Variants in SGPL1 observed in about 807,000 individuals in gnomAD.
SGPL1 encodes the protein sphingosine-1-phosphate lyase 1, also known as SP-lyase 1.
Under a neutral mutation model 68.9 loss-of-function variants are expected in SGPL1, and 37 were observed. That is an observed-to-expected ratio of 0.54 (90% CI 0.41 to 0.71). The LOEUF (loss-of-function observed/expected upper bound fraction) is 0.71. Ranked by LOEUF, SGPL1 falls within the 30% of genes least tolerant of loss-of-function variation. SGPL1 has a pLI of 0.00. For synonymous variants in SGPL1, 236 were observed against 248.5 expected (o/e 0.95, Z 0.47); for missense variants, 551 against 704.6 (o/e 0.78, Z 2.47).
At chr10:70,863,552 A>AT (rs1390030297) in intron 7 of SGPL1, among the ~76,000 whole-genome samples, 2 of 152,034 alleles carry the variant, frequency 1.3e-5, no homozygotes, top group East Asian at 3.9e-4. Flanking sequence ...TGAGGCCTAG[A>AT]TTGAAGTTAA....
intron 4 of SGPL1, among the ~76,000 whole-genome samples, chr10:70,852,953 A>G (rs1845910803): frequency 6.6e-6 from 1 of 152,212 alleles, no homozygotes; most frequent in Non-Finnish European, 1.5e-5. Context: ...GAAGAAATTA[A>G]AATTGGGTAA....
intron 2 of SGPL1, among the ~76,000 whole-genome samples, chr10:70,825,471 T>C (rs1845416329): frequency 1.3e-5 from 2 of 152,048 alleles, no homozygotes; most frequent in African/African-American, 4.8e-5. Context: ...AAGGCACAAA[T>C]GAGGAGATAA....
At chr10:70,858,769 A>G (rs1329564660) in intron 6 of SGPL1, among the ~76,000 whole-genome samples, 1 of 152,156 alleles carries the variant, frequency 6.6e-6, no homozygotes, top group East Asian at 1.9e-4. Context: ...TAAATGTGTC[A>G]TGCTTTTACG....
At chr10:70,873,810 GC>G (rs1369628401) in intron 12 of SGPL1, among the ~76,000 whole-genome samples, 1 of 152,214 alleles carries the variant, frequency 6.6e-6, no homozygotes, top group East Asian at 1.9e-4. Flanking sequence ...TGAGACGGGG[GC>G]CTCATTTGTA....
chr10:70,835,119 A>C (rs1845603588), intron 2 of SGPL1, among the ~76,000 whole-genome samples: 1 of 152,230 alleles, frequency 6.6e-6, no homozygotes. Flanking sequence ...AGGATCTTGC[A>C]AAACAAAACT....
chr10:70,861,927 C>G (rs1342948906), intron 7 of SGPL1, among the ~76,000 whole-genome samples: 12 of 152,256 alleles, frequency 7.9e-5, no homozygotes, highest in Admixed American at 7.8e-4. Flanking sequence ...GCCTCCCACC[C>G]CCTCCGTGGG....
At chr10:70,862,316 T>G (rs1160813409) in intron 7 of SGPL1, among the ~76,000 whole-genome samples, 1 of 152,204 alleles carries the variant, frequency 6.6e-6, no homozygotes, top group Non-Finnish European at 1.5e-5. Context: ...AACCTTTGTG[T>G]GGATACTCTG....
chr10:70,871,989 G>T lies in SGPL1; in HGVS notation c.1059+3G>T, dbSNP rs751123618. 1 of 1,612,830 alleles carries T rather than the reference G, an allele frequency of 6.2e-7. No homozygotes were observed. The highest frequency in any genetic ancestry group is 8.5e-7 in the Non-Finnish European group (1 of 1,179,582). On this transcript the variant is annotated splice_donor_region_variant and intron_variant, in intron 11 of 14. Transcript: ENST00000373202. ...GCATTTCAGCTGACACCCATAAGGT[G>T]AGCTAAGGAGGAGATCAAGTGTTAC...
At chr10:70,838,561 G>A (rs1012720262) in intron 2 of SGPL1, among the ~76,000 whole-genome samples, 5 of 152,182 alleles carry the variant, frequency 3.3e-5, no homozygotes, top group Non-Finnish European at 7.3e-5. Context: ...TAAATCGTAA[G>A]TATAAAAAGC....
In SGPL1 at chr10:70,822,593, G is replaced by C. The variant is rs146501135; in HGVS notation, c.27+5713G>C. Among the ~76,000 whole-genome samples, 512 of 152,304 alleles carry C rather than the reference G, an allele frequency of 3.4e-3. 2 individuals are homozygous for C. Among genetic ancestry groups the C allele is most frequent in the African/African-American group, 0.012 (484 of 41,568 alleles). On this transcript the variant is annotated intron_variant, in intron 2 of 14. Coordinates refer to ENST00000373202, the MANE Select transcript of SGPL1 (RefSeq NM_003901.4). Reference sequence around the variant, plus strand: ...ATTACTGAGATAAAAACCATGCTGTGGGGGAAGGGGAGATAGGGGCCCTCT... The same window carrying C: ...ATTACTGAGATAAAAACCATGCTGTCGGGGAAGGGGAGATAGGGGCCCTCT...
intron 2 of SGPL1, among the ~76,000 whole-genome samples, chr10:70,839,783 G>T (rs1845687663): frequency 1.3e-5 from 2 of 151,984 alleles, no homozygotes; most frequent in South Asian, 4.2e-4. Flanking sequence ...ATGAACTTCT[G>T]TGCCATCTCT....
intron 5 of SGPL1, among the ~76,000 whole-genome samples, chr10:70,856,229 C>G (rs1249967345): frequency 6.6e-6 from 1 of 152,188 alleles, no homozygotes; most frequent in African/African-American, 2.4e-5. Context: ...CTCCTGAACT[C>G]AGGTGATCTG....
intron 2 of SGPL1, among the ~76,000 whole-genome samples, chr10:70,842,557 G>A (rs11597281): frequency 0.054 from 8,292 of 152,180 alleles, 299 homozygotes; most frequent in Non-Finnish European, 0.063. Flanking sequence ...CAATCATGGC[G>A]GAAGGCAAAA....
intron 8 of SGPL1, among the ~76,000 whole-genome samples, chr10:70,868,690 A>G (rs1267772850): frequency 2.6e-5 from 4 of 152,120 alleles, no homozygotes; most frequent in African/African-American, 9.7e-5. Context: ...CTACAAGCAA[A>G]AATAAGATCC....
At chr10:70,828,763 A>G (rs1434060553) in intron 2 of SGPL1, among the ~76,000 whole-genome samples, 1 of 152,232 alleles carries the variant, frequency 6.6e-6, no homozygotes, top group Non-Finnish European at 1.5e-5. Flanking sequence ...TATACTCAAT[A>G]TTGGGGGACC....
At chr10:70,846,194 ACT>A (rs1845789176) in intron 3 of SGPL1, among the ~76,000 whole-genome samples, 1 of 152,034 alleles carries the variant, frequency 6.6e-6, no homozygotes, top group Non-Finnish European at 1.5e-5. Flanking sequence ...TTTCTGATAA[ACT>A]CTAAGAAATT....
chr10:70,869,570 T>C (rs1402368466), intron 8 of SGPL1: 2 of 445,214 alleles, frequency 4.5e-6, no homozygotes, highest in Admixed American at 7.6e-5. Context: ...CCTCTTCCTA[T>C]TGCCAGAATG....
At chr10:70,844,819 A>G (rs1046878385) in intron 3 of SGPL1, among the ~76,000 whole-genome samples, 181 bp downstream of exon 3, 1 of 152,158 alleles carries the variant, frequency 6.6e-6, no homozygotes, top group African/African-American at 2.4e-5. Flanking sequence ...GGCTCACTGC[A>G]ACCTCTGCCT....
chr10:70,854,643 T>G, intron 4 of SGPL1, 65 bp from the exon 5 acceptor site: 1 of 1,441,952 alleles, frequency 6.9e-7, no homozygotes, highest in Non-Finnish European at 9.4e-7. Flanking sequence ...TTGACTGTCA[T>G]AATAATTCTG....
Sources: gnomAD v4.1 joint callset for allele counts (sites outside exome capture counted in the v4.1 genomes callset) on GRCh38, gnomAD v4.1.1 for gene constraint, MANE v1.5 for transcripts, NCBI Gene and HGNC (gene_info 2026-07-23, HGNC 2026-07-21) for gene names.